Variants in CD99 observed in about 807,000 individuals in gnomAD.
CD99 encodes the protein CD99 antigen.
In CD99, 19 loss-of-function variants were observed where a neutral mutation model predicts 28.4. That is an observed-to-expected ratio of 0.67 (90% CI 0.47 to 0.98). The LOEUF (loss-of-function observed/expected upper bound fraction) is 0.98, where lower values mean the gene tolerates loss of function less well. Ranked by LOEUF, CD99 falls within the 50% of genes least tolerant of loss-of-function variation. CD99 has a pLI of 0.00. For synonymous variants in CD99, 103 were observed against 92.1 expected (o/e 1.12, Z -0.67); for missense variants, 283 against 248.8 (o/e 1.14, Z -0.92).
At chrX:2,739,622 T>C (rs1441060250) in intron 9 of CD99, among the ~76,000 whole-genome samples, 3 of 151,818 alleles carry the variant, frequency 2.0e-5, no homozygotes, top group African/African-American at 7.2e-5. Flanking sequence ...ACTAATTTTC[T>C]TTCTGTTTTT....
At chrX:2,695,793 C>T (rs975220603) in intron 1 of CD99, among the ~76,000 whole-genome samples, 2 of 152,114 alleles carry the variant, frequency 1.3e-5, no homozygotes, top group African/African-American at 4.8e-5. Flanking sequence ...GTCACCACAC[C>T]TGGCTATTTT....
At chrX:2,696,779 A>G (rs1372107356) in intron 1 of CD99, among the ~76,000 whole-genome samples, 1 of 152,168 alleles carries the variant, frequency 6.6e-6, no homozygotes, top group Non-Finnish European at 1.5e-5. Flanking sequence ...TAGAGACCAG[A>G]AGGACTTCCT....
At chrX:2,712,100 G>A (rs1406142053) in intron 1 of CD99, among the ~76,000 whole-genome samples, 1 of 152,150 alleles carries the variant, frequency 6.6e-6, no homozygotes, top group Non-Finnish European at 1.5e-5. Context: ...AGGACATGAT[G>A]TTAAGTGCAG....
rs371388264 is a variant in CD99 at position 2,736,678 on chromosome X, G to A, written c.476-1522G>A. 2.2e-4 allele frequency among the ~76,000 whole-genome samples: 34 copies of A among 151,818 alleles called. No individual in the cohort carries two copies. The East Asian group carries it at 4.1e-3, about 18-fold the overall frequency. On this transcript the variant is annotated intron_variant, in intron 8 of 9. Coordinates refer to ENST00000381192, the MANE Select transcript of CD99 (RefSeq NM_002414.5). ...CAAGACCATCCTGGCTAACACGGTG[G>A]AACCCCATCTCTACTAAAAATACAA... is the stretch of plus-strand genomic sequence containing the variant.
chrX:2,728,872 T>C (rs1379782822), intron 8 of CD99, among the ~76,000 whole-genome samples: 1 of 143,986 alleles, frequency 6.9e-6, no homozygotes, highest in Admixed American at 6.9e-5. Context: ...AGTCTCGCTC[T>C]ATCGCCCAGA....
At position 2,693,027 on chromosome X, in the gene CD99, G is replaced by C. The variant is rs28615793; in HGVS notation, c.67+1600G>C. The stretch of plus-strand genomic sequence containing the variant: ...GGCTTGGCTGGATTTTGAAGCCCTA[G>C]GGACAGATTTGCCGGCTGGTCTGGC... On this transcript the variant is annotated intron_variant, in intron 1 of 9. Transcript: ENST00000381192. Among the ~76,000 whole-genome samples, 1,248 of 152,282 alleles carry C rather than the reference G, an allele frequency of 8.2e-3. 17 individuals are homozygous for C. The highest frequency in any genetic ancestry group is 0.029 in the African/African-American group (1,193 of 41,570).
chrX:2,738,214 GTGGACA>G lies in CD99; in HGVS notation c.495_500del (p.Asp165_Met166del). 6.2e-7 allele frequency: 1 copy of G among 1,613,920 alleles called. No homozygotes were observed. Among genetic ancestry groups the G allele is most frequent in the Non-Finnish European group, 8.5e-7 (1 of 1,179,828 alleles). ...CTTCTTTTCAGCAGAACAAGGGGAGGTGGACATGGAGAGCCACCGGAATGCCAACGC... is the reference window on the plus strand; with the variant it reads ...CTTCTTTTCAGCAGAACAAGGGGAGGTGGAGAGCCACCGGAATGCCAACGC... On this transcript the variant is annotated inframe_deletion, in exon 9 of 10. Transcript: ENST00000381192.
intron 7 of CD99, among the ~76,000 whole-genome samples, chrX:2,725,516 TG>T (rs2049230845): frequency 6.6e-6 from 1 of 152,236 alleles, no homozygotes; most frequent in Non-Finnish European, 1.5e-5. Context: ...CAAAACGCAT[TG>T]GCAAATGCCC....
At chrX:2,734,251 T>G (rs1435275976) in intron 8 of CD99, among the ~76,000 whole-genome samples, 1 of 151,990 alleles carries the variant, frequency 6.6e-6, no homozygotes, top group African/African-American at 2.4e-5. Context: ...TTCTATTTAT[T>G]TTACTTTTCT....
chrX:2,738,144 A>G, intron 8 of CD99, 56 bp from the exon 9 acceptor site: 1 of 1,490,268 alleles, frequency 6.7e-7, no homozygotes, highest in Non-Finnish European at 9.4e-7. Context: ...GTGTATTTTG[A>G]GGAGTGGGTT....
rs1193802998 is a variant in CD99 at position 2,726,380 on chromosome X, C to A, written c.475+7C>A. 6.5e-7 allele frequency: 1 copy of A among 1,541,420 alleles called. No individual in the cohort carries two copies. The highest frequency in any genetic ancestry group is 9.0e-7 in the Non-Finnish European group (1 of 1,114,942). Reference sequence around the variant, plus strand: ...CTATGCTTCAAAGAAAATGGTAAGTCTCAGTCCGCCGGTGCCTCTCCTTCA... The same window carrying A: ...CTATGCTTCAAAGAAAATGGTAAGTATCAGTCCGCCGGTGCCTCTCCTTCA... On this transcript the variant is annotated splice_region_variant and intron_variant, in intron 8 of 9. Transcript: ENST00000381192.
In CD99 at chrX:2,738,849, C is replaced by G. The variant is rs183126972; in HGVS notation, c.532+593C>G. On this transcript the variant is annotated intron_variant, in intron 9 of 9. Coordinates refer to ENST00000381192, the MANE Select transcript of CD99 (RefSeq NM_002414.5). ...ATAACTCGTTAAGTTTTGCTGTCAA[C>G]TTTTTTTTTGTTGTTAGAGATAGGG... is the stretch of plus-strand genomic sequence containing the variant. Among the ~76,000 whole-genome samples the G allele has an allele frequency of 2.7e-5, 4 of 150,706 alleles. No individual in the cohort carries two copies. In the East Asian group the frequency reaches 7.8e-4, roughly 30 times the overall value.
chrX:2,714,659 A>G, intron 2 of CD99: 1 of 460,746 alleles, frequency 2.2e-6, no homozygotes, highest in Non-Finnish European at 4.0e-6. Context: ...ACCTCTAAAA[A>G]CAGTATACTC....
chrX:2,724,648 T>C (rs1451817409), intron 7 of CD99, among the ~76,000 whole-genome samples: 2 of 151,986 alleles, frequency 1.3e-5, no homozygotes, highest in Non-Finnish European at 2.9e-5. Flanking sequence ...CTCACACCTG[T>C]AATCCTAGCA....
chrX:2,719,450 G>C lies in CD99; in HGVS notation c.149-211G>C, dbSNP rs2048893707. 26 of 622,948 alleles carry C rather than the reference G, an allele frequency of 4.2e-5. 1 individual carries two copies. In the South Asian group the frequency reaches 5.5e-4, roughly 13 times the overall value. 38.6% of individuals were successfully genotyped at this position (622,948 alleles called of 1,614,324 possible). On this transcript the variant is annotated intron_variant, in intron 3 of 9. Coordinates refer to ENST00000381192, the MANE Select transcript of CD99 (RefSeq NM_002414.5). ...CTCTCCTAGCTTTTTATCTGTCTCT[G>C]TCTCTCTGTTTTTTCCTCTTTTTAT...
Position 2,729,380 on chromosome X carries a change from T to C in CD99, c.475+3007T>C, listed in dbSNP as rs2267797. Among the ~76,000 whole-genome samples, 1,306 of 152,256 alleles carry C rather than the reference T, an allele frequency of 8.6e-3. 111 individuals carry two copies. In the East Asian group the frequency reaches 0.21, roughly 24 times the overall value. ...GAACTGCCTAAGACTGGATAATTCA[T>C]GAAGGAAAGAGGATTCATTGATTCA... On this transcript the variant is annotated intron_variant, in intron 8 of 9. Coordinates refer to ENST00000381192, the MANE Select transcript of CD99 (RefSeq NM_002414.5).
chrX:2,712,971 C>T (rs2048494906), intron 1 of CD99, among the ~76,000 whole-genome samples: 1 of 151,388 alleles, frequency 6.6e-6, no homozygotes, highest in South Asian at 2.1e-4. Flanking sequence ...CACACACCTA[C>T]ACATACACAC....
At chrX:2,709,233 T>C (rs2048267367) in intron 1 of CD99, among the ~76,000 whole-genome samples, 1 of 152,106 alleles carries the variant, frequency 6.6e-6, no homozygotes, top group Admixed American at 6.5e-5. Context: ...CATGCATATA[T>C]GCATGCATGC....
intron 8 of CD99, chrX:2,737,886 G>C (rs1372290152): frequency 1.9e-6 from 1 of 531,500 alleles, no homozygotes; most frequent in Non-Finnish European, 3.5e-6. Flanking sequence ...TATAGAAAGA[G>C]CTTCCATGTG....
Sources: gnomAD v4.1 joint callset for allele counts (sites outside exome capture counted in the v4.1 genomes callset) on GRCh38, gnomAD v4.1.1 for gene constraint, MANE v1.5 for transcripts, NCBI Gene and HGNC (gene_info 2026-07-23, HGNC 2026-07-21) for gene names.